The following DGLUCY variants were observed in gnomAD, a reference collection of about 807,000 sequenced individuals.
DGLUCY encodes the protein D-glutamate cyclase.
DGLUCY carries 58 observed loss-of-function variants against 58.5 expected under a neutral mutation model. That is an observed-to-expected ratio of 0.99 (90% CI 0.80 to 1.23). The LOEUF is 1.23. Among genes scored for constraint, DGLUCY ranks in the 50% most tolerant of loss-of-function variants. The pLI, the probability that DGLUCY is intolerant of heterozygous loss-of-function variation, is 0.00. For missense variants in DGLUCY, 779 were observed against 784.7 expected (o/e 0.99, Z 0.09); for synonymous variants, 325 against 314.1 (o/e 1.03, Z -0.37).
rs1248376096 is a variant in DGLUCY at position 91,160,317 on chromosome 14, G to A, written c.23G>A (p.Arg8Lys). 1 of 1,612,022 alleles carries A rather than the reference G, an allele frequency of 6.2e-7. No individual in the cohort carries two copies. Among genetic ancestry groups the A allele is most frequent in the Non-Finnish European group, 8.5e-7 (1 of 1,179,434 alleles). The part of the protein sequence containing the change: MPFTLHL[R>K]SRLPSAIRSL... Reference sequence around the variant, plus strand: ...ACGATGCCCTTCACACTCCACCTGAGGTCCCGCCTTCCCTCTGCCATAAGG... The same window carrying A: ...ACGATGCCCTTCACACTCCACCTGAAGTCCCGCCTTCCCTCTGCCATAAGG... The change falls in exon 3 of 14, where the codon AGG becomes AAG. Residue 8 changes from arginine (R) to lysine (K), a missense_variant. Transcript: ENST00000256324.
chr14:91,073,097 G>T (rs1166101208), intron 1 of DGLUCY, among the ~76,000 whole-genome samples: 1 of 152,138 alleles, frequency 6.6e-6, no homozygotes, highest in Admixed American at 6.5e-5. Context: ...TTGTCACCAG[G>T]TGTTACACCC....
chr14:91,082,495 T>A (rs1040903620), intron 1 of DGLUCY, among the ~76,000 whole-genome samples: 19 of 152,212 alleles, frequency 1.2e-4, no homozygotes, highest in Admixed American at 3.9e-4. Flanking sequence ...GCAATTCTTA[T>A]GAGTACATGG....
At chr14:91,126,445 G>T (rs2045688334) in intron 1 of DGLUCY, 1 of 225,862 alleles carries the variant, frequency 4.4e-6, no homozygotes, top group Non-Finnish European at 9.4e-6. Flanking sequence ...CAGAGCAGGG[G>T]GCCCGAAGAA....
At chr14:91,127,818 C>A (rs2045795946) in intron 1 of DGLUCY, among the ~76,000 whole-genome samples, 1 of 152,296 alleles carries the variant, frequency 6.6e-6, no homozygotes, top group Admixed American at 6.5e-5. Context: ...TTTCTTTTCT[C>A]CTTCCCTGCT....
chr14:91,190,156 T>G (rs1372450195), intron 9 of DGLUCY, among the ~76,000 whole-genome samples: 3 of 150,956 alleles, frequency 2.0e-5, no homozygotes, highest in Non-Finnish European at 4.4e-5. Context: ...CCCGGCTAAT[T>G]TTTTGTATTT....
chr14:91,212,396 C>T (rs937958008), intron 12 of DGLUCY, among the ~76,000 whole-genome samples: 3 of 152,024 alleles, frequency 2.0e-5, no homozygotes, highest in African/African-American at 7.2e-5. Context: ...TGTCTGTTTC[C>T]CAGTTTTCAA....
intron 8 of DGLUCY, among the ~76,000 whole-genome samples, chr14:91,183,145 C>T (rs541867677): frequency 6.6e-6 from 1 of 152,112 alleles, no homozygotes; most frequent in Admixed American, 6.6e-5. Flanking sequence ...GCCGGCACCA[C>T]CATACCTGGC....
intron 1 of DGLUCY, among the ~76,000 whole-genome samples, chr14:91,121,260 G>A (rs1218703733): frequency 6.6e-6 from 1 of 152,188 alleles, no homozygotes; most frequent in Non-Finnish European, 1.5e-5. Context: ...AAAGTGCTCT[G>A]TAAATGGCAA....
rs569786788 is a variant in DGLUCY, at chr14:91,178,776, A to G, written c.731-2410A>G. On this transcript the variant is annotated intron_variant, in intron 7 of 13. Coordinates refer to ENST00000256324, the MANE Select transcript of DGLUCY (RefSeq NM_001102368.3). Reference sequence around the variant, plus strand: ...CCAAGTGTGGTGGCTTACGCCTGTAATCCCAGCACTTTGGGAGGCTGAGGT... The same window carrying G: ...CCAAGTGTGGTGGCTTACGCCTGTAGTCCCAGCACTTTGGGAGGCTGAGGT... Among the ~76,000 whole-genome samples, 201 of 152,264 alleles carry G rather than the reference A, an allele frequency of 1.3e-3. 1 individual carries two copies. The highest frequency in any genetic ancestry group is 1.8e-3 in the Non-Finnish European group (122 of 68,010).
At position 91,060,570 on chromosome 14, in the gene DGLUCY, G is replaced by C. The variant is rs1348972507; in HGVS notation, c.-216G>C. 1.2e-5 allele frequency: 14 copies of C among 1,133,094 alleles called. No homozygotes were observed. In the East Asian group the frequency reaches 4.6e-4, roughly 37 times the overall value. 70.2% of individuals were successfully genotyped at this position (1,133,094 alleles called of 1,614,324 possible). On this transcript the variant is annotated 5_prime_UTR_variant, in exon 1 of 5. Coordinates refer to the DGLUCY transcript ENST00000521334. ...CTCCAGAACTCGGACGCAAAGACGA[G>C]TCTCTTTCCCGCTCTGGCCGCACGG...
chr14:91,195,342 G>A (rs1213600735), intron 9 of DGLUCY, among the ~76,000 whole-genome samples: 2 of 152,150 alleles, frequency 1.3e-5, no homozygotes, highest in African/African-American at 4.8e-5. Context: ...GGATTTTTGT[G>A]TATTTCCCAC....
intron 1 of DGLUCY, among the ~76,000 whole-genome samples, chr14:91,093,324 A>G (rs932138414): frequency 6.6e-6 from 1 of 152,200 alleles, no homozygotes; most frequent in Non-Finnish European, 1.5e-5. Flanking sequence ...AACTGTGAGC[A>G]GGGATTGTTG....
In DGLUCY at chr14:91,215,407, G is replaced by T. The variant is rs372220357; in HGVS notation, c.1567G>T (p.Val523Phe). The change falls in exon 13 of 14, where the codon GTT (valine) becomes TTT (phenylalanine). Residue 523 changes from valine (V) to phenylalanine (F), a missense_variant and splice_region_variant. Transcript: ENST00000256324. ...GGAATCTTGTTTTGCTGTTCTAGGT[G>T]TTTCTAACTGGGGAGGCTATGCCCT... ...VEADFAVIAG[V>F]SNWGGYALAC... 5.0e-6 allele frequency: 8 copies of T among 1,603,196 alleles called. No individual in the cohort carries two copies. The African/African-American group carries it at 1.1e-4, about 21-fold the overall frequency.
At chr14:91,133,189 G>T (rs1037435527) in intron 1 of DGLUCY, among the ~76,000 whole-genome samples, 3 of 151,950 alleles carry the variant, frequency 2.0e-5, no homozygotes, top group East Asian at 3.9e-4. Context: ...CAGCTACTTG[G>T]GGGGCTGAGG....
intron 8 of DGLUCY, among the ~76,000 whole-genome samples, chr14:91,182,200 C>T (rs936120161): frequency 1.3e-5 from 2 of 152,218 alleles, no homozygotes; most frequent in African/African-American, 2.4e-5. Context: ...AGGCTGGTCT[C>T]GAACTCCTGA....
chr14:91,080,968 C>A (rs992060974), intron 1 of DGLUCY, among the ~76,000 whole-genome samples: 2 of 152,142 alleles, frequency 1.3e-5, no homozygotes, highest in Non-Finnish European at 2.9e-5. Context: ...CTTTGGGAGG[C>A]CGAGGCCGGT....
intron 1 of DGLUCY, chr14:91,128,806 C>T (rs1280390932): frequency 2.6e-5 from 4 of 151,994 alleles, no homozygotes; most frequent in Admixed American, 6.6e-5. Context: ...TGAATGGACT[C>T]GCTTGGGACC....
chr14:91,132,854 AC>A (rs1260161314), intron 1 of DGLUCY, among the ~76,000 whole-genome samples: 1 of 152,048 alleles, frequency 6.6e-6, no homozygotes, highest in Non-Finnish European at 1.5e-5. Context: ...CTACCATTTT[AC>A]TTTCCATCTT....
intron 1 of DGLUCY, among the ~76,000 whole-genome samples, chr14:91,133,136 A>C (rs989494992): frequency 6.6e-6 from 1 of 151,988 alleles, no homozygotes; most frequent in Non-Finnish European, 1.5e-5. Context: ...CTCTACTAAA[A>C]ATACAAAAAT....
Sources: allele counts gnomAD v4.1 joint callset (sites outside exome capture counted in the v4.1 genomes callset), GRCh38; gene constraint gnomAD v4.1.1; transcripts MANE v1.5; gene names NCBI Gene and HGNC (gene_info 2026-07-23, HGNC 2026-07-21).